ADAR: variants seen among roughly 807,000 people sequenced by gnomAD.
ADAR encodes adenosine deaminase RNA specific.
Under a neutral mutation model 113.2 loss-of-function variants are expected in ADAR, and 41 were observed. That is an observed-to-expected ratio of 0.36 (90% CI 0.28 to 0.47). The LOEUF is 0.47. ADAR is among the 20% of genes least tolerant of loss of function. The pLI, the probability that ADAR is intolerant of heterozygous loss-of-function variation, is 1.00. For synonymous variants in ADAR, 605 were observed against 572.6 expected, an observed-to-expected ratio of 1.06 and a Z score of -0.81; for missense variants, 1,242 against 1,540.9, an observed-to-expected ratio of 0.81 and a Z score of 3.25.
At chr1:154,590,051 G>T in intron 7 of ADAR, 123 bp from the exon 8 acceptor site, 1 of 1,486,314 alleles carries the variant, frequency 6.7e-7, no homozygotes, top group Non-Finnish European at 9.3e-7. Flanking sequence ...TACATCTAGT[G>T]TCCCAGTTAC....
Position 154,584,953 on chromosome 1 carries a change from CAGTA to C in ADAR, c.3530_3533del (p.Leu1177ArgfsTer26). The C allele has an allele frequency of 2.5e-6, 4 of 1,614,178 alleles. No individual in the cohort carries two copies. Among genetic ancestry groups the C allele is most frequent in the Non-Finnish European group, 2.5e-6 (3 of 1,180,044 alleles). ...TCTTGGCCTCACCATAGGAGAGTCTCAGTAGATCCCTGCGGTAACGGAAGGAGCA... is the reference window on the plus strand; with the variant it reads ...TCTTGGCCTCACCATAGGAGAGTCTCGATCCCTGCGGTAACGGAAGGAGCA... On this transcript the variant is annotated frameshift_variant, in exon 15 of 15. Coordinates refer to ENST00000368474, the MANE Select transcript of ADAR (RefSeq NM_001111.5). LOFTEE classifies it high-confidence loss of function.
intron 1 of ADAR, among the ~76,000 whole-genome samples, chr1:154,604,579 T>G (rs3766922): frequency 0.38 from 58,539 of 152,154 alleles, 13,007 homozygotes; most frequent in East Asian, 0.56. Context: ...CAAACATGCC[T>G]TAGTTCACTG....
In ADAR at chr1:154,583,257, A is replaced by T. The variant is rs9616; in HGVS notation, c.*1549T>A. ...AGCATCACAAAACTGGACTGCAGCC[A>T]TCACCACGGCACCAAGTCTATGCTT... On this transcript the variant is annotated 3_prime_UTR_variant, in exon 15 of 15. Coordinates refer to ENST00000368474, the MANE Select transcript of ADAR (RefSeq NM_001111.5). The T allele has an allele frequency of 0.22, 32,925 of 152,268 alleles. 4,443 individuals are homozygous for T. The highest frequency in any genetic ancestry group is 0.33 in the East Asian group (1,722 of 5,156). The allele number at this position is 152,268 out of a possible 1,614,324, so 9.4% of individuals were successfully genotyped here. A position where few individuals can be genotyped will look rare whatever the true frequency, so the allele number is the denominator to read the frequency against.
upstream of ADAR, among the ~76,000 whole-genome samples, chr1:154,610,246 C>T (rs1427560446): frequency 6.7e-6 from 1 of 149,872 alleles, no homozygotes; most frequent in Non-Finnish European, 1.5e-5. Flanking sequence ...TAATGGTAAA[C>T]CCCAAGAAGT....
At chr1:154,593,098 G>A (rs1025578051) in intron 6 of ADAR, among the ~76,000 whole-genome samples, 14 of 120,310 alleles carry the variant, frequency 1.2e-4, no homozygotes, top group African/African-American at 2.9e-4. Context: ...CTGCGCCACT[G>A]CACTCCAGCC....
rs756417649 is a variant in ADAR, at chr1:154,589,936, G to A, written c.2497-8C>T. 1 of 1,613,856 alleles carries A rather than the reference G, an allele frequency of 6.2e-7. No individual in the cohort carries two copies. The highest frequency in any genetic ancestry group is 1.1e-5 in the South Asian group (1 of 91,066). ...GCTGCCAGTGAGAGGGAGCTGTGGG[G>A]AAAAGAGGCTGTGTCAGCACCACAA... is the stretch of plus-strand genomic sequence containing the variant. On this transcript the variant is annotated splice_region_variant and splice_polypyrimidine_tract_variant and intron_variant, in intron 7 of 14. Coordinates refer to ENST00000368474, the MANE Select transcript of ADAR (RefSeq NM_001111.5).
intron 7 of ADAR, 49 bp downstream of exon 7, chr1:154,590,135 A>AGGGGG: frequency 5.0e-6 from 6 of 1,204,988 alleles, no homozygotes; most frequent in Non-Finnish European, 6.0e-6. Context: ...CTTAGGAGTT[A>AGGGGG]GGAGGACCCC....
Position 154,608,066 on chromosome 1 carries a change from T to G in ADAR, c.-60A>C. ...GGCGGCACGACCCTGGCCCGACCGC[T>G]GGGCCGCGCCAGCCCCTCGAGGCCC... On this transcript the variant is annotated 5_prime_UTR_variant, in exon 1 of 15. Coordinates refer to ENST00000368474, the MANE Select transcript of ADAR (RefSeq NM_001111.5). 1 of 1,521,354 alleles carries G rather than the reference T, an allele frequency of 6.6e-7. No individual in the cohort carries two copies. Among genetic ancestry groups the G allele is most frequent in the Admixed American group, 2.2e-5 (1 of 45,994 alleles). The allele number at this position is 1,521,354 out of a possible 1,614,324, so 94.2% of individuals were successfully genotyped here.
chr1:154,601,243 G>A lies in ADAR; in HGVS notation c.1399C>T (p.Arg467Cys), dbSNP rs762695102. 5.3e-5 allele frequency: 86 copies of A among 1,614,094 alleles called. 2 individuals carry two copies. The South Asian group carries it at 7.7e-4, about 14-fold the overall frequency. Reference sequence around the variant, plus strand: ...GCTCGAAACTCACCTGGTGCTGCGCGGATACTATTCAAGTCATCTGGGATG... The same window carrying A: ...GCTCGAAACTCACCTGGTGCTGCGCAGATACTATTCAAGTCATCTGGGATG... ...DDIPDDLNSI[R>C]AAPGEFRAIM... The change falls in exon 2 of 15, where the codon CGC becomes TGC. Residue 467 changes from arginine (R) to cysteine (C), a missense_variant. Arg to Cys is a radical substitution (Grantham distance 180, BLOSUM62 -3). Around this residue, in one of 2 missense-constraint regions of ADAR, gnomAD observed 780 missense variants for 1,057.9 expected, o/e 0.74. Coordinates refer to ENST00000368474, the MANE Select transcript of ADAR (RefSeq NM_001111.5). The surrounding 1 kb of genome is among the most constrained non-coding windows in gnomAD (Gnocchi z 4.7).
At chr1:154,593,103 C>T (rs886914506) in intron 6 of ADAR, among the ~76,000 whole-genome samples, 3 of 128,728 alleles carry the variant, frequency 2.3e-5, no homozygotes, top group African/African-American at 8.6e-5. Context: ...CCACTGCACT[C>T]CAGCCTGGGT....
chr1:154,585,352 T>G lies in ADAR; in HGVS notation c.3316-8A>C, dbSNP rs767832906. ...TATGCTGACTCTGCCAACCTAGGAA[T>G]CCCAGAAGCAACGGGAGAAAGATGG... On this transcript the variant is annotated splice_region_variant and splice_polypyrimidine_tract_variant and intron_variant, in intron 13 of 14. Transcript: ENST00000368474. The G allele has an allele frequency of 4.3e-5, 70 of 1,613,840 alleles. No homozygotes were observed. The East Asian group carries it at 9.6e-4, about 22-fold the overall frequency.
chr1:154,622,194 G>A (rs749017234), intron 1 of ADAR, among the ~76,000 whole-genome samples: 2 of 152,142 alleles, frequency 1.3e-5, no homozygotes, highest in African/African-American at 4.8e-5. Flanking sequence ...GCGGCAGAGC[G>A]TGGCTGCGTT....
chr1:154,586,879 C>T (rs1052665146), intron 11 of ADAR, among the ~76,000 whole-genome samples: 7 of 151,846 alleles, frequency 4.6e-5, no homozygotes, highest in Non-Finnish European at 1.0e-4. Flanking sequence ...GGGAAAGTGG[C>T]ATGAGAGGAG....
At position 154,589,742 on chromosome 1, in the gene ADAR, C is replaced by T. The variant is rs375311508; in HGVS notation, c.2668+15G>A. On this transcript the variant is annotated intron_variant, in intron 8 of 14. Coordinates refer to ENST00000368474, the MANE Select transcript of ADAR (RefSeq NM_001111.5). ...AGGCGCCATGGGAGGCGGCATGTCT[C>T]AGAGCCTCACTCACCTGTTCCCAAG... 8 of 1,613,992 alleles carry T rather than the reference C, an allele frequency of 5.0e-6. No individual in the cohort carries two copies. The African/African-American group carries it at 6.7e-5, about 13-fold the overall frequency.
intron 4 of ADAR, 95 bp from the exon 5 acceptor site, chr1:154,597,362 A>G (rs946622147): frequency 1.3e-5 from 19 of 1,451,346 alleles, no homozygotes; most frequent in African/African-American, 2.8e-5. Flanking sequence ...ACTACTGGTA[A>G]TTTCCTTGAA....
Position 154,602,296 on chromosome 1 carries a change from T to C in ADAR, c.346A>G (p.Arg116Gly). The stretch of plus-strand genomic sequence containing the variant: ...TCAACACCTCTCTGTGGCAGACTCC[T>C]GCCACGTGGTGAAGGATGCTGGAAC... ...RGFQHPSPRG[R>G]SLPQRGVDCL... is the part of the protein sequence containing the mutation. The change falls in exon 2 of 15, where the codon AGG becomes GGG. Residue 116 changes from arginine to glycine, a missense_variant. Coordinates refer to ENST00000368474, the MANE Select transcript of ADAR (RefSeq NM_001111.5). The C allele has an allele frequency of 6.2e-7, 1 of 1,613,984 alleles. No homozygotes were observed. The highest frequency in any genetic ancestry group is 1.3e-5 in the African/African-American group (1 of 75,050).
intron 1 of ADAR, among the ~76,000 whole-genome samples, chr1:154,622,914 C>T (rs1698831099): frequency 6.6e-6 from 1 of 151,972 alleles, no homozygotes; most frequent in African/African-American, 2.4e-5. Context: ...AAAGAAAATT[C>T]CTTTCCACAT....
intron 6 of ADAR, among the ~76,000 whole-genome samples, chr1:154,591,847 C>T (rs193081354): frequency 6.6e-6 from 1 of 152,332 alleles, no homozygotes; most frequent in African/African-American, 2.4e-5. Flanking sequence ...TCCATGCTGG[C>T]AGGCCCGTGC....
At chr1:154,609,505 C>T (rs1698408487), upstream of ADAR, among the ~76,000 whole-genome samples, 2 of 152,206 alleles carry the variant, frequency 1.3e-5, no homozygotes, top group African/African-American at 4.8e-5. Context: ...GCTCTGTCTT[C>T]CTTCTGGGCC....
Sources: gnomAD v4.1 joint callset for allele counts (sites outside exome capture counted in the v4.1 genomes callset) on GRCh38, gnomAD v4.1.1 for gene constraint, gnomAD v4.1.1 regional missense constraint, Gnocchi (gnomAD v3.1) non-coding constraint, MANE v1.5 for transcripts, NCBI Gene and HGNC (gene_info 2026-07-23, HGNC 2026-07-21) for gene names.